PSME4: variants seen among roughly 807,000 people sequenced by gnomAD.
PSME4 encodes proteasome activator complex subunit 4.
In PSME4, 89 loss-of-function variants were observed where a neutral mutation model predicts 253.9. The ratio of observed to expected loss-of-function variants is 0.35; its 90% CI spans 0.30 to 0.42. The LOEUF (loss-of-function observed/expected upper bound fraction) is 0.42, where lower values mean the gene tolerates loss of function less well. Ranked by LOEUF, PSME4 falls within the 10% of genes least tolerant of loss-of-function variation. PSME4 has a pLI of 1.00. For missense variants in PSME4, 2,014 were observed against 2,195.2 expected (o/e 0.92, Z 1.65); for synonymous variants, 851 against 759.2 (o/e 1.12, Z -1.99).
In PSME4 at chr2:53,906,844, T is replaced by G. The variant is rs372987739; in HGVS notation, c.2809A>C (p.Arg937=). The change falls in exon 25 of 47, where the codon AGA becomes CGA. Residue 937 remains arginine, a synonymous_variant. Coordinates refer to ENST00000404125, the MANE Select transcript of PSME4 (RefSeq NM_014614.3). ...ATTACTCTATCAATCAACAGTGCTC[T>G]GATATGTTGTTTTTTCCCATGGAGC... ...NRLHGKKQHI[R]ALLIDRVMLQ... is the part of the protein sequence containing the mutation. 1 of 1,613,554 alleles carries G rather than the reference T, an allele frequency of 6.2e-7. No individual in the cohort carries two copies. The highest frequency in any genetic ancestry group is 1.3e-5 in the African/African-American group (1 of 74,930).
In PSME4 at chr2:53,942,411, T is replaced by C. The variant is rs781178773; in HGVS notation, c.501-2411A>G. Among the ~76,000 whole-genome samples the C allele has an allele frequency of 7.2e-5, 11 of 151,984 alleles. 1 individual carries two copies. Among genetic ancestry groups the C allele is most frequent in the Admixed American group, 1.3e-4 (2 of 15,238 alleles). On this transcript the variant is annotated intron_variant, in intron 3 of 46. Transcript: ENST00000404125. ...AAAGGGATCTACAGAGTAACTAAGC[T>C]TTGGATGGGTTTTCTTATACCCTAT... is the stretch of plus-strand genomic sequence containing the variant.
intron 1 of PSME4, among the ~76,000 whole-genome samples, chr2:53,949,722 G>GTAC (rs566578233): frequency 7.9e-5 from 12 of 152,148 alleles, no homozygotes; most frequent in Admixed American, 3.9e-4. Flanking sequence ...GCTGCCAGGG[G>GTAC]TTGCAAGGAC....
At chr2:53,874,876 C>T (rs1220309671) in intron 42 of PSME4, among the ~76,000 whole-genome samples, 1 of 152,054 alleles carries the variant, frequency 6.6e-6, no homozygotes, top group African/African-American at 2.4e-5. Context: ...ACCTGGGGGG[C>T]GGAGGTTGCA....
intron 28 of PSME4, among the ~76,000 whole-genome samples, chr2:53,901,047 T>A (rs1248404608): frequency 6.6e-6 from 1 of 152,146 alleles, no homozygotes; most frequent in Non-Finnish European, 1.5e-5. Context: ...TAAAATATAA[T>A]TAACTCTTTG....
intron 1 of PSME4, among the ~76,000 whole-genome samples, chr2:53,965,343 G>T (rs1315474462): frequency 6.6e-6 from 1 of 151,480 alleles, no homozygotes; most frequent in East Asian, 2.0e-4. Flanking sequence ...CTGCCTCCCA[G>T]GTTCAAGCGA....
chr2:53,898,448 C>T, intron 29 of PSME4, 94 bp from the exon 30 acceptor site: 1 of 976,404 alleles, frequency 1.0e-6, no homozygotes, highest in South Asian at 1.9e-5. Flanking sequence ...TTTCACCCTC[C>T]TTCCCCACTT....
At chr2:53,892,787 G>A (rs1679969919) in intron 36 of PSME4, 21 bp downstream of exon 36, 7 of 1,602,828 alleles carry the variant, frequency 4.4e-6, no homozygotes, top group Non-Finnish European at 5.1e-6. Context: ...GAAATGTTCT[G>A]TACAAATATT....
At chr2:53,950,276 C>T (rs1669914124) in intron 1 of PSME4, among the ~76,000 whole-genome samples, 2 of 142,680 alleles carry the variant, frequency 1.4e-5, no homozygotes, top group South Asian at 2.3e-4. Flanking sequence ...AGAGTGAGAT[C>T]TTGTCTTCCA....
chr2:53,937,571 G>C (rs777436280), intron 4 of PSME4, 31 bp from the exon 5 acceptor site: 8 of 1,594,800 alleles, frequency 5.0e-6, no homozygotes, highest in Non-Finnish European at 4.3e-6. Flanking sequence ...TCATGTATCT[G>C]ATTATTGGCT....
intron 1 of PSME4, among the ~76,000 whole-genome samples, chr2:53,956,587 T>C (rs1207206283): frequency 6.6e-6 from 1 of 151,972 alleles, no homozygotes; most frequent in East Asian, 1.9e-4. Context: ...TCTATATATT[T>C]TTTGAGATGG....
At chr2:53,965,956 G>A (rs944969118) in intron 1 of PSME4, among the ~76,000 whole-genome samples, 12 of 152,256 alleles carry the variant, frequency 7.9e-5, no homozygotes, top group South Asian at 4.1e-4. Flanking sequence ...ACAGGCGTGA[G>A]CCGCCACGCC....
intron 3 of PSME4, among the ~76,000 whole-genome samples, chr2:53,946,042 T>C (rs1412795645): frequency 2.6e-5 from 4 of 152,160 alleles, no homozygotes; most frequent in East Asian, 3.8e-4. Context: ...TGTGACACTT[T>C]AGGAAGAGAC....
chr2:53,941,180 G>A (rs1227123842), intron 3 of PSME4, among the ~76,000 whole-genome samples: 1 of 144,902 alleles, frequency 6.9e-6, no homozygotes, highest in Non-Finnish European at 1.5e-5. Flanking sequence ...ATATAACCAA[G>A]AGAGGAAAAC....
chr2:53,938,310 C>T (rs946240525), intron 4 of PSME4, among the ~76,000 whole-genome samples: 4 of 152,084 alleles, frequency 2.6e-5, no homozygotes, highest in African/African-American at 7.2e-5. Flanking sequence ...CTCCCCTATA[C>T]GAGAAGACTA....
chr2:53,879,202 CAT>C (rs1679268308), intron 41 of PSME4, among the ~76,000 whole-genome samples: 1 of 150,744 alleles, frequency 6.6e-6, no homozygotes, highest in Admixed American at 6.6e-5. Context: ...TACTGGCAAA[CAT>C]ATGAAATGTC....
At chr2:53,905,910 C>T (rs1246089630) in intron 26 of PSME4, among the ~76,000 whole-genome samples, 2 of 152,108 alleles carry the variant, frequency 1.3e-5, no homozygotes, top group Non-Finnish European at 2.9e-5. Context: ...GGATTATAAA[C>T]TTCCTGGGTG....
chr2:53,869,219 T>C, intron 44 of PSME4, 157 bp downstream of exon 44: 1 of 657,346 alleles, frequency 1.5e-6, no homozygotes, highest in Non-Finnish European at 2.4e-6. Context: ...AGTCCTGCTT[T>C]CTATATGCAA....
intron 12 of PSME4, among the ~76,000 whole-genome samples, chr2:53,926,545 T>G (rs805346): frequency 0.29 from 44,439 of 151,422 alleles, 6,902 homozygotes; most frequent in South Asian, 0.47. Flanking sequence ...GCCAGGCATG[T>G]TGGCACACGC....
chr2:53,926,546 T>C (rs1369018235), intron 12 of PSME4, among the ~76,000 whole-genome samples: 1 of 151,798 alleles, frequency 6.6e-6, no homozygotes, highest in South Asian at 2.1e-4. Context: ...CCAGGCATGT[T>C]GGCACACGCC....
Sources: gnomAD v4.1 joint callset for allele counts (sites outside exome capture counted in the v4.1 genomes callset) on GRCh38, gnomAD v4.1.1 for gene constraint, MANE v1.5 for transcripts, NCBI Gene and HGNC (gene_info 2026-07-23, HGNC 2026-07-21) for gene names.